Variants in TSC2 observed in about 807,000 individuals in gnomAD.
The protein encoded by TSC2 is TSC complex subunit 2, also known as tuberin.
Under a neutral mutation model 202.2 loss-of-function variants are expected in TSC2, and 29 were observed. The ratio of observed to expected loss-of-function variants is 0.14; its 90% CI spans 0.11 to 0.20. The LOEUF (loss-of-function observed/expected upper bound fraction) is 0.20. Ranked by LOEUF, TSC2 falls within the 10% of genes least tolerant of loss-of-function variation. The probability of loss-of-function intolerance (pLI) is 1.00; values close to 1 mark genes in which losing one functional copy is unlikely to be tolerated. For synonymous variants in TSC2, 1,349 were observed against 1,044.0 expected, an observed-to-expected ratio of 1.29 and a Z score of -5.63; for missense variants, 2,429 against 2,420.0, an observed-to-expected ratio of 1.00 and a Z score of -0.08.
At chr16:2,086,434 C>T (rs2151578741) in intron 37 of TSC2, 55 bp downstream of exon 37, 1 of 1,587,220 alleles carries the variant, frequency 6.3e-7, no homozygotes, top group Non-Finnish European at 8.6e-7. Flanking sequence ...GCACGGCTCC[C>T]ATCCAGTCCT....
At chr16:2,076,684 G>A in intron 25 of TSC2, 99 bp downstream of exon 25, 1 of 1,243,726 alleles carries the variant, frequency 8.0e-7, no homozygotes, top group Non-Finnish European at 1.2e-6. Flanking sequence ...GAGTGGAAAT[G>A]GGTCCTGTGT....
rs397515277 is a variant in TSC2 at position 2,086,237 on chromosome 16, C to T, written c.4707C>T (p.Tyr1569=). The change falls in exon 37 of 42, where the codon TAC becomes TAT. Residue 1569 remains tyrosine, a synonymous_variant. Coordinates refer to ENST00000219476, the MANE Select transcript of TSC2 (RefSeq NM_000548.5). ...LAILSNEHGS[Y]RYTEFLTGLG... is the part of the protein sequence containing the mutation. Reference sequence around the variant, plus strand: ...TCCTGTCCAATGAGCATGGCTCCTACAGGTACACGGAGTTCCTGACGGGCC... The same window carrying T: ...TCCTGTCCAATGAGCATGGCTCCTATAGGTACACGGAGTTCCTGACGGGCC... The T allele has an allele frequency of 5.0e-6, 8 of 1,612,644 alleles. No individual in the cohort carries two copies. The highest frequency in any genetic ancestry group is 3.3e-5 in the Admixed American group (2 of 60,006).
intron 16 of TSC2, 90 bp from the exon 17 acceptor site, chr16:2,070,366 C>T (rs970497276): frequency 2.4e-5 from 39 of 1,605,864 alleles, no homozygotes; most frequent in East Asian, 1.3e-4. Flanking sequence ...CTAGAGCAGC[C>T]GCCCCGGCCC....
At chr16:2,087,681 T>C (rs573722773) in intron 38 of TSC2, among the ~76,000 whole-genome samples, 182 bp from the exon 39 acceptor site, 1 of 151,994 alleles carries the variant, frequency 6.6e-6, no homozygotes, top group African/African-American at 2.4e-5. Context: ...TGCGCCCAGA[T>C]GTGGAGGGGG....
At position 2,054,370 on chromosome 16, in the gene TSC2, C is replaced by G. The variant is rs776129896; in HGVS notation, c.411C>G (p.His137Gln). The change falls in exon 5 of 42, where the codon CAC becomes CAG. Residue 137 changes from histidine to glutamine, a missense_variant. Transcript: ENST00000219476. ...IKDYPSNEDLHERLEVFKALT... is the reference protein window; with the variant it reads ...IKDYPSNEDLQERLEVFKALT... ...ATTACCCTTCCAACGAAGACCTTCA[C>G]GAAAGGCTGGAGGTTTTCAAGGCCC... The G allele has an allele frequency of 1.9e-6, 3 of 1,614,218 alleles. No homozygotes were observed. The highest frequency in any genetic ancestry group is 2.5e-6 in the Non-Finnish European group (3 of 1,180,042).
Position 2,087,868 on chromosome 16 carries a change from G to T in TSC2, c.4995G>T (p.Gln1665His), listed in dbSNP as rs2091045745. The change falls in exon 39 of 42, where the codon CAG becomes CAT. Residue 1665 changes from glutamine to histidine, a missense_variant. Physicochemically the swap from Gln to His is conservative, Grantham distance 24. Transcript: ENST00000219476. ...CCTTTCTCTTGTCCGGGCAGGGCCA[G>T]TTCAACTTTGTCCACGTGATCGTCA... ...EDFKLGTIKG[Q>H]FNFVHVIVTP... The T allele has an allele frequency of 6.2e-7, 1 of 1,612,706 alleles. No individual in the cohort carries two copies. Among genetic ancestry groups the T allele is most frequent in the Non-Finnish European group, 8.5e-7 (1 of 1,179,986 alleles).
intron 31 of TSC2, chr16:2,082,074 TCCAGGA>T (rs1457402292): frequency 1.7e-6 from 1 of 596,368 alleles, no homozygotes; most frequent in Non-Finnish European, 3.0e-6. Flanking sequence ...CACTGCGGGC[TCCAGGA>T]GGCTCTGCGG....
In TSC2 at chr16:2,088,876, C is replaced by T. The variant is rs528508419; in HGVS notation, c.*266C>T. 55 of 485,084 alleles carry T rather than the reference C, an allele frequency of 1.1e-4. No homozygotes were observed. The highest frequency in any genetic ancestry group is 1.6e-4 in the African/African-American group (6 of 36,556). 30.0% of individuals were successfully genotyped at this position (485,084 alleles called of 1,614,324 possible). ...GCCATACAGCACACTCGCGCGTGCGCGCGCGCACACACACACACACACAGT... is the reference window on the plus strand; with the variant it reads ...GCCATACAGCACACTCGCGCGTGCGTGCGCGCACACACACACACACACAGT... On this transcript the variant is annotated 3_prime_UTR_variant, in exon 42 of 42. Transcript: ENST00000219476.
chr16:2,058,248 C>T (rs1208974128), intron 9 of TSC2, among the ~76,000 whole-genome samples: 1 of 152,128 alleles, frequency 6.6e-6, no homozygotes, highest in Non-Finnish European at 1.5e-5. Flanking sequence ...ATCTTGCCTT[C>T]TCCCCTCCAC....
chr16:2,081,843 C>T (rs764063380), intron 31 of TSC2, 45 bp downstream of exon 31: 36 of 1,599,306 alleles, frequency 2.3e-5, no homozygotes, highest in African/African-American at 1.2e-4. Flanking sequence ...CTCCCACTGG[C>T]CTGGTGCTCC....
intron 4 of TSC2, chr16:2,053,936 G>T: frequency 2.3e-6 from 1 of 441,700 alleles, no homozygotes; most frequent in Admixed American, 3.0e-5. Flanking sequence ...ACTCTCACAG[G>T]CTCTCCTGGG....
At chr16:2,073,025 G>T (rs771251758) in intron 21 of TSC2, 42 bp downstream of exon 21, 1 of 1,612,578 alleles carries the variant, frequency 6.2e-7, no homozygotes, top group South Asian at 1.1e-5. Flanking sequence ...ATGGGGCCTG[G>T]GATTCGAGGG....
At chr16:2,048,438 A>G in intron 1 of TSC2, 149 bp from the exon 2 acceptor site, 4 of 1,055,360 alleles carry the variant, frequency 3.8e-6, no homozygotes, top group Non-Finnish European at 5.7e-6. Context: ...CGAGCTGGTC[A>G]GCTGGGCTGT....
intron 32 of TSC2, 113 bp from the exon 33 acceptor site, chr16:2,083,576 TGGGGAG>T (rs1567517298): frequency 5.3e-6 from 8 of 1,511,354 alleles, no homozygotes; most frequent in Non-Finnish European, 7.1e-6. Flanking sequence ...AGCAGAGCCC[TGGGGAG>T]GCTCGCAGGG....
intron 16 of TSC2, among the ~76,000 whole-genome samples, chr16:2,069,637 G>A (rs537450177): frequency 6.6e-5 from 10 of 152,218 alleles, no homozygotes; most frequent in Middle Eastern, 3.4e-3. Flanking sequence ...CCACCACCAC[G>A]CCCGGCTAAT....
rs373314420 is a variant in TSC2, at chr16:2,055,890, CA to C, written c.600-287del. The C allele has an allele frequency of 0.13, 33,354 of 260,722 alleles. 186 individuals are homozygous for C. Among genetic ancestry groups the C allele is most frequent in the Middle Eastern group, 0.14 (115 of 840 alleles). The allele number at this position is 260,722 out of a possible 1,614,324, so 16.2% of individuals were successfully genotyped here. On this transcript the variant is annotated intron_variant, in intron 6 of 41. Transcript: ENST00000219476. ...TGGGTGAAAGAGCAAAACTCCATCT[CA>C]AAAAAAAAAAAAAAAAAAGAGAAGT... is the stretch of plus-strand genomic sequence containing the variant.
intron 30 of TSC2, chr16:2,080,675 G>A (rs543350798): frequency 1.2e-3 from 497 of 399,520 alleles, no homozygotes; most frequent in Middle Eastern, 2.3e-3. Context: ...TAGTAGAGAT[G>A]GGGTTTCACT....
chr16:2,069,563 T>C (rs547694946), intron 16 of TSC2, among the ~76,000 whole-genome samples: 1 of 151,560 alleles, frequency 6.6e-6, no homozygotes, highest in Non-Finnish European at 1.5e-5. Flanking sequence ...CACTGCAAGC[T>C]CTGCCTCCTG....
intron 12 of TSC2, 143 bp downstream of exon 12, chr16:2,062,151 G>T: frequency 8.1e-7 from 1 of 1,238,580 alleles, no homozygotes; most frequent in Non-Finnish European, 1.1e-6. Context: ...CGGCAGGGAA[G>T]GCTGGCAGGC....
Sources: allele counts gnomAD v4.1 joint callset (sites outside exome capture counted in the v4.1 genomes callset), GRCh38; gene constraint gnomAD v4.1.1; transcripts MANE v1.5; gene names NCBI Gene and HGNC (gene_info 2026-07-23, HGNC 2026-07-21).